Variants in CRIM1 observed in about 807,000 individuals in gnomAD.
The protein encoded by CRIM1 is cysteine-rich motor neuron 1 protein.
Under a neutral mutation model 116.4 loss-of-function variants are expected in CRIM1, and 32 were observed. The ratio of observed to expected loss-of-function variants is 0.27; its 90% confidence interval spans 0.21 to 0.37. The LOEUF (loss-of-function observed/expected upper bound fraction) is 0.37. Among genes scored for constraint, CRIM1 ranks in the 10% least tolerant of loss-of-function variants. The probability of loss-of-function intolerance (pLI) is 1.00; values close to 1 mark genes in which losing one functional copy is unlikely to be tolerated. For synonymous variants in CRIM1, 590 were observed against 509.2 expected (o/e 1.16, Z -2.13); for missense variants, 1,331 against 1,354.8 (o/e 0.98, Z 0.28).
chr2:36,490,780 T>C (rs77364659), intron 7 of CRIM1, among the ~76,000 whole-genome samples: 1 of 152,188 alleles, frequency 6.6e-6, no homozygotes, highest in Non-Finnish European at 1.5e-5. Flanking sequence ...CCTGTCAGGC[T>C]TGACCTCTGC....
At chr2:36,505,908 C>T (rs530318711) in intron 8 of CRIM1, among the ~76,000 whole-genome samples, 1 of 152,248 alleles carries the variant, frequency 6.6e-6, no homozygotes, top group South Asian at 2.1e-4. Context: ...GTGTGGCAGG[C>T]TCACTGAACG....
At chr2:36,537,000 G>C (rs777882997) in intron 13 of CRIM1, among the ~76,000 whole-genome samples, 6 of 152,072 alleles carry the variant, frequency 3.9e-5, no homozygotes, top group Non-Finnish European at 8.8e-5. Flanking sequence ...CCCCTGTATT[G>C]TTTACAAAAC....
intron 1 of CRIM1, among the ~76,000 whole-genome samples, chr2:36,395,078 G>T (rs866264151): frequency 1.4e-5 from 2 of 143,660 alleles, no homozygotes; most frequent in African/African-American, 5.2e-5. Context: ...GCAGTGGCAT[G>T]ATCTTGGCTG....
rs1182250708 is a variant in CRIM1 at position 36,550,615 on chromosome 2, TCAAAAA to T, written c.*1915_*1920del. ...TTAACCATTTTTTTGTCTTAGAATA[TCAAAAA>T]GAAAAAGAAAAAGGTGTTCTAGCTG... is the stretch of plus-strand genomic sequence containing the variant. On this transcript the variant is annotated 3_prime_UTR_variant, in exon 17 of 17. Transcript: ENST00000280527. 6.6e-6 allele frequency: 1 copy of T among 152,184 alleles called. No individual in the cohort carries two copies. Among genetic ancestry groups the T allele is most frequent in the Non-Finnish European group, 1.5e-5 (1 of 67,946 alleles). The allele number at this position is 152,184 out of a possible 1,614,324, so 9.4% of individuals were successfully genotyped here.
At chr2:36,546,695 C>T (rs1667356018) in intron 15 of CRIM1, among the ~76,000 whole-genome samples, 1 of 151,320 alleles carries the variant, frequency 6.6e-6, no homozygotes, top group Non-Finnish European at 1.5e-5. Context: ...TCTACCTAAG[C>T]ACCTTCTTAT....
rs113549769 is a variant in CRIM1 at position 36,356,628 on chromosome 2, G to A, written c.331+5G>A. The A allele has an allele frequency of 5.7e-4, 913 of 1,602,680 alleles. 8 individuals carry two copies. In the African/African-American group the frequency reaches 8.0e-3, roughly 14 times the overall value. On this transcript the variant is annotated splice_donor_5th_base_variant and intron_variant, in intron 1 of 16. Coordinates refer to ENST00000280527, the MANE Select transcript of CRIM1 (RefSeq NM_016441.3). This position sits in a 1 kb window ranked among gnomAD's most constrained non-coding sequence, Gnocchi z 4.3. The stretch of plus-strand genomic sequence containing the variant: ...ACGAAGCGGGCGTTTGCGAAGGTAC[G>A]GCCGCCCGCTGCGGGCCCCCTCCCA...
chr2:36,514,209 ATTGCTC>A (rs1370712414), intron 11 of CRIM1, among the ~76,000 whole-genome samples: 2 of 152,202 alleles, frequency 1.3e-5, no homozygotes, highest in Non-Finnish European at 2.9e-5. Context: ...GTCTGTGGCT[ATTGCTC>A]TTTTTTAAAT....
intron 1 of CRIM1, among the ~76,000 whole-genome samples, chr2:36,385,361 C>A (rs1418037026): frequency 1.3e-5 from 2 of 152,174 alleles, no homozygotes; most frequent in Admixed American, 1.3e-4. Context: ...GAAAAGATTC[C>A]TTATTGCAAC....
At chr2:36,375,841 C>G (rs1167392256) in intron 1 of CRIM1, among the ~76,000 whole-genome samples, 1 of 152,158 alleles carries the variant, frequency 6.6e-6, no homozygotes, top group Non-Finnish European at 1.5e-5. Flanking sequence ...AACAGTTCAA[C>G]CTTGTGTATT....
intron 1 of CRIM1, among the ~76,000 whole-genome samples, chr2:36,361,131 A>G (rs1231980352): frequency 6.6e-6 from 1 of 152,234 alleles, no homozygotes; most frequent in Non-Finnish European, 1.5e-5. Flanking sequence ...TGCCAGGCTT[A>G]TAGAATCTTC....
At chr2:36,393,445 C>CT in intron 1 of CRIM1, among the ~76,000 whole-genome samples, 1 of 152,114 alleles carries the variant, frequency 6.6e-6, no homozygotes, top group East Asian at 1.9e-4. Context: ...AAAGACACAA[C>CT]TGCATTGACC....
chr2:36,502,515 C>A (rs564032161), intron 8 of CRIM1, among the ~76,000 whole-genome samples: 1 of 151,822 alleles, frequency 6.6e-6, no homozygotes, highest in African/African-American at 2.4e-5. Flanking sequence ...AGATAGCTGG[C>A]CTTCCTTCCT....
chr2:36,438,769 A>C (rs1469772892), intron 2 of CRIM1, among the ~76,000 whole-genome samples: 1 of 152,212 alleles, frequency 6.6e-6, no homozygotes, highest in African/African-American at 2.4e-5. Context: ...ACTCAGGATC[A>C]CAGTAGTGAT....
At chr2:36,525,816 G>T (rs1279078172) in intron 13 of CRIM1, among the ~76,000 whole-genome samples, 2 of 151,440 alleles carry the variant, frequency 1.3e-5, no homozygotes, top group Non-Finnish European at 2.9e-5. Flanking sequence ...TTTATTAGTG[G>T]TCAAAAAAAA....
Position 36,446,648 on chromosome 2 carries a change from A to T in CRIM1, c.869+3913A>T, listed in dbSNP as rs534632315. Among the ~76,000 whole-genome samples the T allele has an allele frequency of 3.3e-5, 5 of 152,176 alleles. No homozygotes were observed. In the East Asian group the frequency reaches 5.8e-4, roughly 18 times the overall value. ...CATTATTTGATTCTTCCTTCCCTCA[A>T]CTTGGCATAGATTTCCAGGCATCCC... On this transcript the variant is annotated intron_variant, in intron 4 of 16. Transcript: ENST00000280527.
intron 5 of CRIM1, among the ~76,000 whole-genome samples, chr2:36,469,850 A>T (rs1406733620): frequency 6.6e-6 from 1 of 152,168 alleles, no homozygotes. Flanking sequence ...TTTGTTAAAG[A>T]GTGATACACA....
intron 2 of CRIM1, among the ~76,000 whole-genome samples, chr2:36,418,416 A>G (rs1673787248): frequency 6.6e-6 from 1 of 152,120 alleles, no homozygotes; most frequent in Admixed American, 6.5e-5. Flanking sequence ...CTTCCCAAGT[A>G]GCTGGGAATA....
At chr2:36,374,269 T>G (rs1670152399) in intron 1 of CRIM1, among the ~76,000 whole-genome samples, 1 of 152,216 alleles carries the variant, frequency 6.6e-6, no homozygotes, top group Admixed American at 6.5e-5. Context: ...ATTCCCTCTT[T>G]GTAGTTTTAT....
intron 2 of CRIM1, among the ~76,000 whole-genome samples, chr2:36,404,356 A>AG (rs1672631633): frequency 1.3e-5 from 2 of 152,236 alleles, no homozygotes; most frequent in Non-Finnish European, 2.9e-5. Flanking sequence ...ACCTGGAATT[A>AG]GGGCTAGTTC....
Sources: allele counts gnomAD v4.1 joint callset (sites outside exome capture counted in the v4.1 genomes callset), GRCh38; gene constraint gnomAD v4.1.1; non-coding constraint Gnocchi (gnomAD v3.1); transcripts MANE v1.5; gene names NCBI Gene and HGNC (gene_info 2026-07-23, HGNC 2026-07-21).